LNPK: variants seen among roughly 807,000 people sequenced by gnomAD.
LNPK encodes endoplasmic reticulum junction formation protein lunapark.
Under a neutral mutation model 55.2 loss-of-function variants are expected in LNPK, and 29 were observed. The observed-to-expected ratio is 0.53, with a 90% CI of 0.39 to 0.72. The LOEUF (loss-of-function observed/expected upper bound fraction) is 0.72, where lower values mean the gene tolerates loss of function less well. Ranked by LOEUF, LNPK falls within the 30% of genes least tolerant of loss-of-function variation. LNPK has a pLI of 0.00. For synonymous variants in LNPK, 162 were observed against 168.2 expected (o/e 0.96, Z 0.29); for missense variants, 467 against 494.8 (o/e 0.94, Z 0.53).
chr2:175,935,832 G>A (rs1379613699), intron 12 of LNPK: 7 of 434,420 alleles, frequency 1.6e-5, no homozygotes, highest in Admixed American at 1.3e-4. Flanking sequence ...GGTGTTGTTT[G>A]CTAACTATCT....
At chr2:175,990,543 T>C (rs574772832) in intron 4 of LNPK, among the ~76,000 whole-genome samples, 1 of 152,162 alleles carries the variant, frequency 6.6e-6, no homozygotes, top group Non-Finnish European at 1.5e-5. Context: ...TAAGACACTG[T>C]TTCCCAAAGA....
At position 175,995,602 on chromosome 2, in the gene LNPK, T is replaced by C. The variant is rs375567653; in HGVS notation, c.-18A>G. The C allele has an allele frequency of 2.2e-4, 346 of 1,601,324 alleles. No homozygotes were observed. In the African/African-American group the frequency reaches 3.8e-3, roughly 18 times the overall value. Reference sequence around the variant, plus strand: ...CCACCCATCTTTTATTTGTAGAAACTGGGCACAATGATAAATATCATCAAT... The same window carrying C: ...CCACCCATCTTTTATTTGTAGAAACCGGGCACAATGATAAATATCATCAAT... On this transcript the variant is annotated 5_prime_UTR_variant, in exon 2 of 13. Transcript: ENST00000272748.
chr2:175,994,336 T>G, intron 2 of LNPK: 8 of 984,332 alleles, frequency 8.1e-6, no homozygotes, highest in Non-Finnish European at 9.7e-6. Context: ...CAGATTATTA[T>G]AAGGTCATAA....
At position 175,973,940 on chromosome 2, in the gene LNPK, T is replaced by C. The variant is rs113770823; in HGVS notation, c.317-3136A>G. ...AGCAATCAAACACAATTTAATTAACTCATAATTGGTAAATGGCTTTCCTTT... is the reference window on the plus strand; with the variant it reads ...AGCAATCAAACACAATTTAATTAACCCATAATTGGTAAATGGCTTTCCTTT... On this transcript the variant is annotated intron_variant, in intron 5 of 12. Transcript: ENST00000272748. 5.4e-3 allele frequency among the ~76,000 whole-genome samples: 824 copies of C among 152,336 alleles called. 6 individuals are homozygous for C. The highest frequency in any genetic ancestry group is 0.019 in the African/African-American group (787 of 41,570).
At chr2:175,932,083 C>T (rs1221991359) in intron 12 of LNPK, 1 of 432,594 alleles carries the variant, frequency 2.3e-6, no homozygotes, top group East Asian at 7.0e-5. Flanking sequence ...CAGGATGTAA[C>T]TCACCAATAA....
chr2:175,937,269 C>A, intron 12 of LNPK, 75 bp downstream of exon 12: 1 of 1,356,624 alleles, frequency 7.4e-7, no homozygotes, highest in Non-Finnish European at 1.0e-6. Flanking sequence ...CCATCTTTAT[C>A]TAAAAGCATT....
intron 12 of LNPK, among the ~76,000 whole-genome samples, chr2:175,931,644 C>T (rs1684284756): frequency 6.6e-6 from 1 of 152,014 alleles, no homozygotes; most frequent in African/African-American, 2.4e-5. Context: ...TTAATTTGTG[C>T]CAAATCTCAT....
chr2:175,952,352 ATTATACTATAGTATAATT>A (rs558148326), intron 8 of LNPK, among the ~76,000 whole-genome samples: 13 of 151,994 alleles, frequency 8.6e-5, no homozygotes, highest in Non-Finnish European at 1.0e-4. Context: ...TGTGAAAAAA[ATTATACTATAGTATAATT>A]TTATACTATA....
At chr2:175,996,024 G>C (rs1687917225) in intron 1 of LNPK, among the ~76,000 whole-genome samples, 1 of 151,874 alleles carries the variant, frequency 6.6e-6, no homozygotes, top group Non-Finnish European at 1.5e-5. Flanking sequence ...TGTTGGCCAG[G>C]CTGGTCTTGA....
intron 9 of LNPK, among the ~76,000 whole-genome samples, chr2:175,941,894 C>G (rs1684868929): frequency 1.6e-5 from 2 of 127,090 alleles, no homozygotes; most frequent in Non-Finnish European, 3.4e-5. Context: ...ATAAGAATGA[C>G]AGCAGACTTC....
chr2:175,980,917 A>AG, intron 4 of LNPK, among the ~76,000 whole-genome samples: 1 of 152,146 alleles, frequency 6.6e-6, no homozygotes, highest in South Asian at 2.1e-4. Context: ...AAAAAAAAAA[A>AG]AAAAGAAAGA....
intron 8 of LNPK, among the ~76,000 whole-genome samples, chr2:175,956,828 A>C (rs1444078485): frequency 2.6e-5 from 4 of 152,104 alleles, no homozygotes; most frequent in African/African-American, 9.7e-5. Flanking sequence ...CCCCTTATCA[A>C]ATTATCTAAC....
intron 12 of LNPK, among the ~76,000 whole-genome samples, chr2:175,934,707 A>G (rs1684453645): frequency 6.6e-6 from 1 of 151,928 alleles, no homozygotes; most frequent in African/African-American, 2.4e-5. Context: ...TTCAAGTATT[A>G]CGGTACTATC....
chr2:175,986,400 T>C (rs977614970), intron 4 of LNPK, among the ~76,000 whole-genome samples: 10 of 151,980 alleles, frequency 6.6e-5, no homozygotes, highest in African/African-American at 1.4e-4. Flanking sequence ...AAATAACTGA[T>C]AGATTATAAC....
At chr2:175,980,031 C>T (rs891636174) in intron 4 of LNPK, among the ~76,000 whole-genome samples, 163 bp from the exon 5 acceptor site, 3 of 152,156 alleles carry the variant, frequency 2.0e-5, no homozygotes, top group African/African-American at 7.2e-5. Flanking sequence ...AACATCAGAA[C>T]CTGTGCTTTC....
chr2:175,951,516 A>G (rs113252700), intron 8 of LNPK, among the ~76,000 whole-genome samples: 17,843 of 145,722 alleles, frequency 0.12, 1,507 homozygotes, highest in Non-Finnish European at 0.19. Flanking sequence ...ATAGTCTCCA[A>G]TCTCATCCAG....
intron 8 of LNPK, among the ~76,000 whole-genome samples, chr2:175,957,097 C>T (rs1685731051): frequency 6.6e-6 from 1 of 152,078 alleles, no homozygotes; most frequent in Non-Finnish European, 1.5e-5. Flanking sequence ...GTAGCTCACA[C>T]CTATAATCCC....
At chr2:175,982,658 G>A (rs1054706664) in intron 4 of LNPK, among the ~76,000 whole-genome samples, 3 of 152,112 alleles carry the variant, frequency 2.0e-5, no homozygotes, top group African/African-American at 7.2e-5. Context: ...GCCTCCCAAA[G>A]CACTGGGATT....
At chr2:176,002,351 G>C (rs1438079794), upstream of LNPK, 1 of 410,816 alleles carries the variant, frequency 2.4e-6, no homozygotes, top group South Asian at 1.7e-5. Context: ...CCGCTCCCCC[G>C]TCACGTGACC....
Sources: allele counts gnomAD v4.1 joint callset (sites outside exome capture counted in the v4.1 genomes callset), GRCh38; gene constraint gnomAD v4.1.1; transcripts MANE v1.5; gene names NCBI Gene and HGNC (gene_info 2026-07-23, HGNC 2026-07-21).